Variants in TRHDE observed in about 807,000 individuals in gnomAD.
TRHDE encodes the protein thyrotropin releasing hormone degrading enzyme, also known as thyrotropin-releasing hormone-degrading ectoenzyme.
A neutral mutation model predicts 125.7 loss-of-function variants in TRHDE; 72 were observed. That is an observed-to-expected ratio of 0.57 (90% confidence interval 0.47 to 0.70). The LOEUF is 0.70. Among genes scored for constraint, TRHDE ranks in the 30% least tolerant of loss-of-function variants. The pLI is 0.00. For missense variants in TRHDE, 1,110 were observed against 1,327.1 expected, an observed-to-expected ratio of 0.84 and a Z score of 2.54; for synonymous variants, 509 against 509.1, an observed-to-expected ratio of 1.00 and a Z score of 0.00.
intron 17 of TRHDE, 51 bp downstream of exon 17, chr12:72,653,207 G>T (rs1244482625): frequency 6.7e-7 from 1 of 1,501,706 alleles, no homozygotes; most frequent in South Asian, 1.3e-5. Flanking sequence ...CGACATAGGA[G>T]GAATAAAGGC....
At chr12:72,575,767 C>T (rs1032510415) in intron 12 of TRHDE, among the ~76,000 whole-genome samples, 22 of 152,076 alleles carry the variant, frequency 1.4e-4, no homozygotes, top group African/African-American at 5.3e-4. Flanking sequence ...AATTTCACCA[C>T]AAGGTCGATT....
intron 5 of TRHDE, 61 bp downstream of exon 5, chr12:72,473,241 C>T: frequency 7.8e-7 from 1 of 1,279,758 alleles, no homozygotes; most frequent in Non-Finnish European, 1.1e-6. Context: ...TTACATTAGG[C>T]TTATACCATC....
chr12:72,296,575 C>T (rs187530192), intron 2 of TRHDE, among the ~76,000 whole-genome samples: 23 of 151,134 alleles, frequency 1.5e-4, no homozygotes, highest in Non-Finnish European at 3.1e-4. Context: ...TGAGTTGGCT[C>T]GGTGGTCTGC....
At chr12:72,109,292 T>TC (rs1461099914) in intron 2 of TRHDE, among the ~76,000 whole-genome samples, 2 of 152,092 alleles carry the variant, frequency 1.3e-5, no homozygotes, top group African/African-American at 2.4e-5. Flanking sequence ...TCTCTCATAC[T>TC]ATAAAAGATG....
At chr12:72,283,907 A>G (rs1362767779) in intron 1 of TRHDE, among the ~76,000 whole-genome samples, 1 of 151,692 alleles carries the variant, frequency 6.6e-6, no homozygotes, top group African/African-American at 2.4e-5. Context: ...ACATATATAT[A>G]TATATTTCAT....
chr12:72,156,925 A>G (rs1224135066), intron 2 of TRHDE, among the ~76,000 whole-genome samples: 3 of 152,176 alleles, frequency 2.0e-5, no homozygotes, highest in Non-Finnish European at 4.4e-5. Context: ...TTTGGTAGCA[A>G]TGCATGTGAA....
At chr12:72,226,560 G>T (rs1464351130) in intron 2 of TRHDE, among the ~76,000 whole-genome samples, 2 of 152,168 alleles carry the variant, frequency 1.3e-5, no homozygotes, top group African/African-American at 4.8e-5. Flanking sequence ...AGAAATTCAA[G>T]TCATGATCTT....
At chr12:72,307,953 G>A (rs78254778) in intron 2 of TRHDE, among the ~76,000 whole-genome samples, 1 of 152,250 alleles carries the variant, frequency 6.6e-6, no homozygotes, top group Non-Finnish European at 1.5e-5. Context: ...GATACCTTAT[G>A]GTTAAGGTAG....
intron 3 of TRHDE, among the ~76,000 whole-genome samples, chr12:72,420,286 T>A (rs1183562412): frequency 6.6e-6 from 1 of 152,202 alleles, no homozygotes; most frequent in East Asian, 1.9e-4. Flanking sequence ...TTGGCCTTGT[T>A]TTGTTTCATA....
In TRHDE at chr12:72,236,496, A is replaced by AT. The variant is rs879797749; in HGVS notation, n.279+130744_279+130745insT. ...AATATATTATTGACTGATGAAAGCC[A>AT]GATAGTCCTTTCTCCTCTTAAAACA... On this transcript the variant is annotated intron_variant and non_coding_transcript_variant, in intron 2 of 4. Coordinates refer to the TRHDE transcript ENST00000548156. Among the ~76,000 whole-genome samples, 1,136 of 152,210 alleles carry AT rather than the reference A, an allele frequency of 7.5e-3. 8 individuals carry two copies. Among genetic ancestry groups the AT allele is most frequent in the Non-Finnish European group, 0.013 (854 of 67,942 alleles).
At chr12:72,588,033 C>T (rs985482019) in intron 12 of TRHDE, among the ~76,000 whole-genome samples, 9 of 152,098 alleles carry the variant, frequency 5.9e-5, no homozygotes, top group Non-Finnish European at 1.0e-4. Context: ...ATATGTTCCC[C>T]TTATCCTGTA....
intron 15 of TRHDE, among the ~76,000 whole-genome samples, chr12:72,634,053 C>T (rs1347468308): frequency 6.6e-6 from 1 of 152,094 alleles, no homozygotes; most frequent in East Asian, 1.9e-4. Flanking sequence ...GATAAAGCCC[C>T]TGCCAAACCC....
chr12:72,426,062 A>G (rs1874172314), intron 3 of TRHDE, among the ~76,000 whole-genome samples: 1 of 152,108 alleles, frequency 6.6e-6, no homozygotes, highest in African/African-American at 2.4e-5. Context: ...CTCATTTGCT[A>G]TAGTGTGCAG....
At chr12:72,124,676 T>A (rs2139303608) in intron 2 of TRHDE, among the ~76,000 whole-genome samples, 1 of 152,336 alleles carries the variant, frequency 6.6e-6, no homozygotes, top group African/African-American at 2.4e-5. Context: ...AGAGCTACGG[T>A]GGAACATTTA....
At chr12:72,092,937 T>A (rs948018277) in intron 1 of TRHDE, among the ~76,000 whole-genome samples, 2 of 152,222 alleles carry the variant, frequency 1.3e-5, no homozygotes, top group African/African-American at 4.8e-5. Context: ...TCCCCAAGGC[T>A]TCCTTGAAGT....
intron 3 of TRHDE, among the ~76,000 whole-genome samples, chr12:72,388,698 G>T (rs558580271): frequency 3.8e-4 from 58 of 152,204 alleles, no homozygotes; most frequent in African/African-American, 1.3e-3. Flanking sequence ...CTTAACTATA[G>T]TTGCAGCTAT....
At chr12:72,253,465 G>A (rs1023768855) in intron 2 of TRHDE, 1 of 152,084 alleles carries the variant, frequency 6.6e-6, no homozygotes, top group African/African-American at 2.4e-5. Flanking sequence ...CTATCTTAGA[G>A]AAAAGCATTC....
chr12:72,302,888 A>G (rs999809157), intron 2 of TRHDE, among the ~76,000 whole-genome samples: 2 of 152,144 alleles, frequency 1.3e-5, no homozygotes, highest in African/African-American at 4.8e-5. Flanking sequence ...TGTCCTGTGC[A>G]TTGTAGGATA....
At chr12:72,421,700 A>G (rs1873962834) in intron 3 of TRHDE, among the ~76,000 whole-genome samples, 1 of 152,226 alleles carries the variant, frequency 6.6e-6, no homozygotes, top group Non-Finnish European at 1.5e-5. Flanking sequence ...TATCTGCCAC[A>G]CTATACTGAT....
Sources: allele counts gnomAD v4.1 joint callset (sites outside exome capture counted in the v4.1 genomes callset), GRCh38; gene constraint gnomAD v4.1.1; transcripts MANE v1.5; gene names NCBI Gene and HGNC (gene_info 2026-07-23, HGNC 2026-07-21).